KIAA1191: variants seen among roughly 807,000 people sequenced by gnomAD.
The protein encoded by KIAA1191 is KIAA1191.
KIAA1191 carries 22 observed loss-of-function variants against 31.1 expected under a neutral mutation model. That is an observed-to-expected ratio of 0.71 (90% confidence interval 0.51 to 1.01). KIAA1191 has a LOEUF of 1.01. Among genes scored for constraint, KIAA1191 ranks in the 50% least tolerant of loss-of-function variants. The pLI, the probability that KIAA1191 is intolerant of heterozygous loss-of-function variation, is 0.00. For missense variants in KIAA1191, 319 were observed against 388.0 expected (o/e 0.82, Z 1.49); for synonymous variants, 130 against 143.9 (o/e 0.90, Z 0.69).
At chr5:176,360,448 G>A (rs1767900385) in intron 1 of KIAA1191, among the ~76,000 whole-genome samples, 1 of 150,452 alleles carries the variant, frequency 6.6e-6, no homozygotes. Context: ...GAGCCACCGC[G>A]CCCGACCCCA....
chr5:176,360,963 G>A (rs1329644210), intron 1 of KIAA1191, among the ~76,000 whole-genome samples: 4 of 148,170 alleles, frequency 2.7e-5, no homozygotes, highest in Admixed American at 2.0e-4. Context: ...TTAAAACGAG[G>A]GCCTGAGAAA....
intron 5 of KIAA1191, 83 bp from the exon 6 acceptor site, chr5:176,350,820 T>G: frequency 6.5e-7 from 1 of 1,528,072 alleles, no homozygotes; most frequent in Non-Finnish European, 8.9e-7. Context: ...TCTACTATTC[T>G]CCCCAGAAGC....
Position 176,351,619 on chromosome 5 carries a change from G to A in KIAA1191, c.335-882C>T, listed in dbSNP as rs1394900045. On this transcript the variant is annotated intron_variant, in intron 5 of 8. Coordinates refer to ENST00000298569, the MANE Select transcript of KIAA1191 (RefSeq NM_020444.5). Reference sequence around the variant, plus strand: ...CTAAAAATACAGAAATTAGCCAGGCGTGGTGGTGGGCGCCTGTAGTCCCAG... The same window carrying A: ...CTAAAAATACAGAAATTAGCCAGGCATGGTGGTGGGCGCCTGTAGTCCCAG... Among the ~76,000 whole-genome samples, 4 of 152,098 alleles carry A rather than the reference G, an allele frequency of 2.6e-5. No individual in the cohort carries two copies. The East Asian group carries it at 5.8e-4, about 22-fold the overall frequency.
In KIAA1191 at chr5:176,347,784, C is replaced by T. The variant is rs764555730; in HGVS notation, c.734G>A (p.Arg245Gln). 1.9e-5 allele frequency: 31 copies of T among 1,603,948 alleles called. No individual in the cohort carries two copies. The East Asian group carries it at 3.8e-4, about 20-fold the overall frequency. Residue 245 changes from arginine to glutamine, a missense_variant, in exon 9 of 9, where the codon CGA becomes CAA. Arg to Gln is a conservative substitution (Grantham distance 43). Coordinates refer to ENST00000298569, the MANE Select transcript of KIAA1191 (RefSeq NM_020444.5). ...DSGSFATQAY[R>Q]GAQKPSPLEL... Reference sequence around the variant, plus strand: ...CAATGGAGAGGGCTTCTGGGCTCCTCGGTAGGCCTGGGTGGCAAAACTTCC... The same window carrying T: ...CAATGGAGAGGGCTTCTGGGCTCCTTGGTAGGCCTGGGTGGCAAAACTTCC...
At position 176,356,950 on chromosome 5, in the gene KIAA1191, G is replaced by A. The variant is rs187574943; in HGVS notation, c.29-1201C>T. ...AGGATTAGAGGTTGCCAGGGAGTGG[G>A]TGGGGGGAGTGAGGATACGACTGCT... is the stretch of plus-strand genomic sequence containing the variant. On this transcript the variant is annotated intron_variant, in intron 3 of 8. Transcript: ENST00000298569. 8.7e-4 allele frequency among the ~76,000 whole-genome samples: 133 copies of A among 152,282 alleles called. 1 individual carries two copies. The highest frequency in any genetic ancestry group is 1.3e-4 in the Non-Finnish European group (9 of 68,024).
At chr5:176,352,999 A>G (rs1425918997) in intron 4 of KIAA1191, among the ~76,000 whole-genome samples, 1 of 152,228 alleles carries the variant, frequency 6.6e-6, no homozygotes, top group Non-Finnish European at 1.5e-5. Context: ...TCTGACGTCT[A>G]CTACCTTCCC....
At chr5:176,358,514 G>C (rs1189840430) in intron 3 of KIAA1191, among the ~76,000 whole-genome samples, 3 of 150,648 alleles carry the variant, frequency 2.0e-5, no homozygotes, top group African/African-American at 7.4e-5. Flanking sequence ...TCAGGAGTTT[G>C]AGACCAGCCT....
At position 176,346,686 on chromosome 5, in the gene KIAA1191, G is replaced by GC. The variant is rs1766534366; in HGVS notation, c.*913dup. On this transcript the variant is annotated 3_prime_UTR_variant, in exon 9 of 9. Transcript: ENST00000298569. ...GCCTCCTCCGGCACTGGCCTAAGAG[G>GC]CCCCACATGAAGAACTAGCTGCAAG... 6.6e-6 allele frequency: 1 copy of GC among 152,254 alleles called. No homozygotes were observed. Among genetic ancestry groups the GC allele is most frequent in the Non-Finnish European group, 1.5e-5 (1 of 68,044 alleles). The allele number at this position is 152,254 out of a possible 1,614,324, so 9.4% of individuals were successfully genotyped here.
intron 6 of KIAA1191, 40 bp downstream of exon 6, chr5:176,350,573 C>T (rs761637970): frequency 6.2e-7 from 1 of 1,607,134 alleles, no homozygotes; most frequent in Non-Finnish European, 8.5e-7. Context: ...AAGCCATGAA[C>T]ACTGAAGGTT....
intron 6 of KIAA1191, among the ~76,000 whole-genome samples, chr5:176,349,622 G>A (rs1315354500): frequency 3.3e-5 from 5 of 152,114 alleles, no homozygotes; most frequent in Non-Finnish European, 7.4e-5. Flanking sequence ...GCAGTGAGCC[G>A]AGATCACAAC....
chr5:176,352,539 G>T, intron 5 of KIAA1191, 83 bp downstream of exon 5: 1 of 1,496,472 alleles, frequency 6.7e-7, no homozygotes, highest in South Asian at 1.2e-5. Context: ...GCGTGTTGCA[G>T]TATCATCTCC....
chr5:176,350,613 G>A lies in KIAA1191; in HGVS notation c.459C>T (p.His153=), dbSNP rs993358933. ...TTTTTCAAAGTTCCTAAGAGCTTAC[G>A]TGGAGTGCTTCGGCCACTCGAAGGT... ...TKYLRVAEAL[H]KLKLQSGEVT... Residue 153 remains histidine (H), a splice_region_variant and synonymous_variant, in exon 6 of 9, where the codon CAC becomes CAT. Transcript: ENST00000298569. The A allele has an allele frequency of 5.6e-6, 9 of 1,613,470 alleles. No homozygotes were observed. Among genetic ancestry groups the A allele is most frequent in the East Asian group, 4.5e-5 (2 of 44,882 alleles).
At position 176,351,461 on chromosome 5, in the gene KIAA1191, A is replaced by G. The variant is rs183581710; in HGVS notation, c.335-724T>C. ...TGTTGCTGATTCAACAGATGTGAAT[A>G]AGAAAATCAAAGTATAGGTGGTGCG... On this transcript the variant is annotated intron_variant, in intron 5 of 8. Transcript: ENST00000298569. Among the ~76,000 whole-genome samples, 51 of 151,996 alleles carry G rather than the reference A, an allele frequency of 3.4e-4. No individual in the cohort carries two copies. The East Asian group carries it at 8.6e-3, about 25-fold the overall frequency.
intron 3 of KIAA1191, among the ~76,000 whole-genome samples, chr5:176,359,058 TG>T (rs1767750747): frequency 2.4e-5 from 3 of 123,106 alleles, no homozygotes; most frequent in Admixed American, 1.1e-4. Context: ...CACTCCAGCC[TG>T]GGCGACAGAG....
Position 176,348,234 on chromosome 5 carries a change from C to T in KIAA1191, c.566+16G>A. 1 of 1,612,350 alleles carries T rather than the reference C, an allele frequency of 6.2e-7. No individual in the cohort carries two copies. The highest frequency in any genetic ancestry group is 8.5e-7 in the Non-Finnish European group (1 of 1,178,836). On this transcript the variant is annotated intron_variant, in intron 7 of 8. Coordinates refer to ENST00000298569, the MANE Select transcript of KIAA1191 (RefSeq NM_020444.5). ...GAAGCACGCAGGAACTCGGAAGGGT[C>T]ACAGGAAGGGCTCACCTGGGCCTCT...
rs1561748595 is a variant in KIAA1191, at chr5:176,348,473, G to T, written c.460-117C>A. On this transcript the variant is annotated intron_variant, in intron 6 of 8. Transcript: ENST00000298569. Reference sequence around the variant, plus strand: ...AACTTTAGGCAGAAGACATCTACAGGTGGAATGATTTCGGATGATCTAACA... The same window carrying T: ...AACTTTAGGCAGAAGACATCTACAGTTGGAATGATTTCGGATGATCTAACA... 4 of 683,094 alleles carry T rather than the reference G, an allele frequency of 5.9e-6. No individual in the cohort carries two copies. The South Asian group carries it at 7.3e-5, about 13-fold the overall frequency. The allele number at this position is 683,094 out of a possible 1,614,324, so 42.3% of individuals were successfully genotyped here.
chr5:176,358,339 C>CA (rs1767675896), intron 3 of KIAA1191, among the ~76,000 whole-genome samples: 1 of 152,214 alleles, frequency 6.6e-6, no homozygotes, highest in South Asian at 2.1e-4. Context: ...ACAAACTTGT[C>CA]ATAATACCCT....
chr5:176,356,092 G>A (rs1177480973), intron 3 of KIAA1191: 1 of 263,610 alleles, frequency 3.8e-6, no homozygotes. Context: ...AGCCTAGCGA[G>A]TAGTTGGGAT....
chr5:176,348,225 C>T (rs775009145), intron 7 of KIAA1191, 25 bp downstream of exon 7: 31 of 1,609,572 alleles, frequency 1.9e-5, no homozygotes, highest in East Asian at 1.1e-4. Flanking sequence ...CGCAGGAACT[C>T]GGAAGGGTCA....
Sources: gnomAD v4.1 joint callset for allele counts (sites outside exome capture counted in the v4.1 genomes callset) on GRCh38, gnomAD v4.1.1 for gene constraint, MANE v1.5 for transcripts, NCBI Gene and HGNC (gene_info 2026-07-23, HGNC 2026-07-21) for gene names.